The following PRKN variants were observed in gnomAD, a reference collection of about 807,000 sequenced individuals.
The protein encoded by PRKN is E3 ubiquitin-protein ligase parkin.
PRKN carries 56 observed loss-of-function variants against 59.5 expected under a neutral mutation model. That is an observed-to-expected ratio of 0.94 (90% CI 0.76 to 1.18). The LOEUF (loss-of-function observed/expected upper bound fraction) is 1.18, where lower values mean the gene tolerates loss of function less well. Among genes scored for constraint, PRKN ranks in the 50% most tolerant of loss-of-function variants. The probability of loss-of-function intolerance (pLI) is 0.00; values close to 1 mark genes in which losing one functional copy is unlikely to be tolerated. For synonymous variants in PRKN, 250 were observed against 222.1 expected (o/e 1.13, Z -1.12); for missense variants, 657 against 596.4 (o/e 1.10, Z -1.06).
chr6:162,618,024 A>G (rs902848912), intron 1 of PRKN, among the ~76,000 whole-genome samples: 1 of 152,200 alleles, frequency 6.6e-6, no homozygotes, highest in African/African-American at 2.4e-5. Flanking sequence ...GGCAGCTGAT[A>G]AGTGGTAGAC....
At chr6:161,553,429 C>G (rs868189278) in intron 8 of PRKN, among the ~76,000 whole-genome samples, 1 of 151,912 alleles carries the variant, frequency 6.6e-6, no homozygotes, top group Admixed American at 6.6e-5. Flanking sequence ...GTCCCTCCCT[C>G]TATCTCTCTG....
intron 9 of PRKN, among the ~76,000 whole-genome samples, chr6:161,450,014 A>C (rs1295892249): frequency 6.6e-6 from 1 of 152,174 alleles, no homozygotes; most frequent in Non-Finnish European, 1.5e-5. Context: ...TTTGGCTCCC[A>C]AGAGGTAAGG....
chr6:162,063,011 C>T (rs1778164683), intron 4 of PRKN, among the ~76,000 whole-genome samples: 2 of 151,942 alleles, frequency 1.3e-5, no homozygotes, highest in Admixed American at 6.6e-5. Flanking sequence ...ATAAATATCT[C>T]ACTCAATACA....
intron 1 of PRKN, among the ~76,000 whole-genome samples, chr6:162,450,505 G>A (rs1035012255): frequency 7.9e-5 from 12 of 151,754 alleles, no homozygotes; most frequent in East Asian, 3.9e-4. Flanking sequence ...AGGCGCTACC[G>A]CAGCCAGGTG....
chr6:161,661,524 C>G (rs1270681569), intron 7 of PRKN, among the ~76,000 whole-genome samples: 1 of 150,796 alleles, frequency 6.6e-6, no homozygotes, highest in Non-Finnish European at 1.5e-5. Flanking sequence ...TTCCCCACCA[C>G]TACCTGCCCC....
At position 161,396,135 on chromosome 6, in the gene PRKN, C is replaced by T. The variant is rs1379667421; in HGVS notation, c.1084-9258G>A. 6.6e-6 allele frequency among the ~76,000 whole-genome samples: 1 copy of T among 152,152 alleles called. No homozygotes were observed. Among genetic ancestry groups the T allele is most frequent in the East Asian group, 1.9e-4 (1 of 5,196 alleles). On this transcript the variant is annotated intron_variant, in intron 9 of 11. Transcript: ENST00000366898. This position sits in a 1 kb window ranked among gnomAD's most constrained non-coding sequence, Gnocchi z 5.4. ...TATGCTCTCGGTCCCTAATCCCCCGCCTCTTTTCTTACTTTCTCTTTACTG... is the reference window on the plus strand; with the variant it reads ...TATGCTCTCGGTCCCTAATCCCCCGTCTCTTTTCTTACTTTCTCTTTACTG...
chr6:161,735,218 A>G (rs1003477774), intron 7 of PRKN, among the ~76,000 whole-genome samples: 1 of 151,970 alleles, frequency 6.6e-6, no homozygotes, highest in African/African-American at 2.4e-5. Flanking sequence ...TGTACACACA[A>G]GTCCCCCTCA....
chr6:162,123,978 C>T (rs553343754), intron 4 of PRKN, among the ~76,000 whole-genome samples: 2 of 152,216 alleles, frequency 1.3e-5, no homozygotes, highest in East Asian at 3.9e-4. Flanking sequence ...TTTTCTTCTT[C>T]CTGTTGAGTT....
chr6:162,569,015 G>T, intron 1 of PRKN: 2 of 692,656 alleles, frequency 2.9e-6, no homozygotes, highest in Non-Finnish European at 5.2e-6. Context: ...CCTTGGAGCT[G>T]CAGTCCCAGA....
chr6:162,308,305 G>A (rs1782324337), intron 2 of PRKN, among the ~76,000 whole-genome samples: 1 of 151,966 alleles, frequency 6.6e-6, no homozygotes, highest in Non-Finnish European at 1.5e-5. Flanking sequence ...AAATAGAAGG[G>A]GAAAAAAAAC....
At chr6:162,492,069 G>T (rs954330631) in intron 1 of PRKN, among the ~76,000 whole-genome samples, 1 of 152,054 alleles carries the variant, frequency 6.6e-6, no homozygotes, top group Non-Finnish European at 1.5e-5. Context: ...TTCTGAACTC[G>T]GCCTCATGCC....
intron 4 of PRKN, among the ~76,000 whole-genome samples, chr6:162,165,945 G>A (rs1782959804): frequency 1.3e-5 from 2 of 150,802 alleles, no homozygotes; most frequent in East Asian, 3.9e-4. Flanking sequence ...CTACTCAGGA[G>A]GCTGAAACAG....
chr6:162,067,193 A>G (rs1778377875), intron 4 of PRKN, among the ~76,000 whole-genome samples: 1 of 152,116 alleles, frequency 6.6e-6, no homozygotes, highest in South Asian at 2.1e-4. Flanking sequence ...GCAGCCTTGA[A>G]CCACCTATCT....
intron 2 of PRKN, among the ~76,000 whole-genome samples, chr6:162,392,386 A>G (rs1042964189): frequency 8.6e-5 from 13 of 151,888 alleles, no homozygotes; most frequent in Non-Finnish European, 1.8e-4. Flanking sequence ...TCCATCTCCA[A>G]TCTCTGTCTA....
chr6:161,540,714 T>C (rs1779586617), intron 9 of PRKN, among the ~76,000 whole-genome samples: 1 of 152,214 alleles, frequency 6.6e-6, no homozygotes, highest in African/African-American at 2.4e-5. Flanking sequence ...ACACAAAAGG[T>C]AGTTCTTGCT....
At chr6:162,185,898 G>A (rs749792575) in intron 4 of PRKN, among the ~76,000 whole-genome samples, 1 of 152,084 alleles carries the variant, frequency 6.6e-6, no homozygotes, top group Non-Finnish European at 1.5e-5. Context: ...TAAAAATAAT[G>A]ATGTACCAAC....
At chr6:161,787,788 T>C (rs1210734310) in intron 6 of PRKN, among the ~76,000 whole-genome samples, 2 of 150,744 alleles carry the variant, frequency 1.3e-5, no homozygotes, top group African/African-American at 4.9e-5. Flanking sequence ...CTACCAAAAA[T>C]ACAAAAAATT....
chr6:162,709,860 T>C (rs1322618215), intron 1 of PRKN, among the ~76,000 whole-genome samples: 2 of 150,178 alleles, frequency 1.3e-5, no homozygotes, highest in African/African-American at 4.9e-5. Flanking sequence ...CTCCCTGGAA[T>C]CTGAGAGCGA....
rs1460999945 is a variant in PRKN, at chr6:161,462,809, T to C, written c.1084-75932A>G. The stretch of plus-strand genomic sequence containing the variant: ...ATACACTTTCATCCCAAAATTGGCA[T>C]ACTTTAAATAATCCATGATTTTTTT... On this transcript the variant is annotated intron_variant, in intron 9 of 11. Transcript: ENST00000366898. The surrounding 1 kb of genome is among the most constrained non-coding windows in gnomAD (Gnocchi z 4.5). Among the ~76,000 whole-genome samples the C allele has an allele frequency of 1.3e-5, 2 of 152,192 alleles. No individual in the cohort carries two copies. The highest frequency in any genetic ancestry group is 2.4e-5 in the African/African-American group (1 of 41,446).
Sources: allele counts gnomAD v4.1 joint callset (sites outside exome capture counted in the v4.1 genomes callset), GRCh38; gene constraint gnomAD v4.1.1; non-coding constraint Gnocchi (gnomAD v3.1); transcripts MANE v1.5; gene names NCBI Gene and HGNC (gene_info 2026-07-23, HGNC 2026-07-21).